PCDH15: variants seen among roughly 807,000 people sequenced by gnomAD.
The protein encoded by PCDH15 is protocadherin-15.
Under a neutral mutation model 178.5 loss-of-function variants are expected in PCDH15, and 129 were observed. The observed-to-expected ratio is 0.72, with a 90% CI of 0.63 to 0.84. PCDH15 has a LOEUF of 0.84. PCDH15 is among the 40% of genes least tolerant of loss of function. The probability of loss-of-function intolerance (pLI) is 0.00; values close to 1 mark genes in which losing one functional copy is unlikely to be tolerated. For synonymous variants in PCDH15, 800 were observed against 732.0 expected, an observed-to-expected ratio of 1.09 and a Z score of -1.50; for missense variants, 2,230 against 2,099.9, an observed-to-expected ratio of 1.06 and a Z score of -1.21.
intron 8 of PCDH15, among the ~76,000 whole-genome samples, chr10:54,308,709 A>C (rs1192681137): frequency 1.3e-5 from 2 of 151,984 alleles, no homozygotes; most frequent in Non-Finnish European, 2.9e-5. Context: ...AGGTATACAC[A>C]TGCCATGGTG....
intron 28 of PCDH15, among the ~76,000 whole-genome samples, chr10:53,843,195 G>A (rs1196262290): frequency 6.6e-6 from 1 of 151,942 alleles, no homozygotes; most frequent in African/African-American, 2.4e-5. Context: ...GATCTTTTGG[G>A]ACAAAGTATA....
At chr10:55,569,676 T>C (rs930317808) in intron 2 of PCDH15, among the ~76,000 whole-genome samples, 1 of 151,988 alleles carries the variant, frequency 6.6e-6, no homozygotes. Context: ...GGGTGAGTCC[T>C]ACATTACTGA....
intron 2 of PCDH15, among the ~76,000 whole-genome samples, chr10:54,596,290 G>C (rs1718879313): frequency 6.6e-6 from 1 of 152,194 alleles, no homozygotes; most frequent in Non-Finnish European, 1.5e-5. Context: ...CAAGTCAGAA[G>C]AGATTTGGGA....
At chr10:55,194,264 C>T (rs527330236) in intron 1 of PCDH15, among the ~76,000 whole-genome samples, 4 of 151,944 alleles carry the variant, frequency 2.6e-5, no homozygotes, top group African/African-American at 9.7e-5. Context: ...TAAATAACAG[C>T]CCTTTTCTCT....
intron 3 of PCDH15, among the ~76,000 whole-genome samples, chr10:54,431,261 G>T (rs1239072980): frequency 1.3e-5 from 2 of 151,788 alleles, no homozygotes; most frequent in African/African-American, 4.8e-5. Flanking sequence ...ATTCTATGAG[G>T]CCAGTATTAT....
rs529681580 is a variant in PCDH15, at chr10:54,822,276, T to A, written c.-29+75174A>T. On this transcript the variant is annotated intron_variant, in intron 3 of 5. Coordinates refer to the PCDH15 transcript ENST00000458638. Reference sequence around the variant, plus strand: ...CTTTTAACTGTATTTCTGTGCCTATTTACCAAAGCTTTTATAGCTCTCCCT... The same window carrying A: ...CTTTTAACTGTATTTCTGTGCCTATATACCAAAGCTTTTATAGCTCTCCCT... Among the ~76,000 whole-genome samples the A allele has an allele frequency of 5.3e-5, 8 of 152,250 alleles. No homozygotes were observed. In the South Asian group the frequency reaches 1.7e-3, roughly 32 times the overall value.
intron 2 of PCDH15, among the ~76,000 whole-genome samples, chr10:55,050,953 T>TTTCCATA (rs1327345905): frequency 6.6e-6 from 1 of 152,082 alleles, no homozygotes; most frequent in Admixed American, 6.5e-5. Flanking sequence ...ATGAAGTGCT[T>TTTCCATA]TTCCATAATT....
intron 15 of PCDH15, among the ~76,000 whole-genome samples, chr10:54,109,479 G>A (rs2094975309): frequency 6.6e-6 from 1 of 152,146 alleles, no homozygotes. Context: ...CCACAATGGA[G>A]CATTATTCAG....
intron 13 of PCDH15, among the ~76,000 whole-genome samples, chr10:54,159,245 C>CA (rs539822920): frequency 1.3e-5 from 2 of 151,932 alleles, no homozygotes; most frequent in Non-Finnish European, 2.9e-5. Context: ...GAGCAATTGG[C>CA]AAAAAAACAT....
At chr10:54,152,051 C>T (rs1040836445) in intron 14 of PCDH15, among the ~76,000 whole-genome samples, 1 of 152,150 alleles carries the variant, frequency 6.6e-6, no homozygotes, top group Non-Finnish European at 1.5e-5. Flanking sequence ...CAAATTTGTT[C>T]ATCATTGGAT....
At chr10:55,196,195 C>T (rs1309535811) in intron 1 of PCDH15, among the ~76,000 whole-genome samples, 2 of 152,012 alleles carry the variant, frequency 1.3e-5, no homozygotes, top group African/African-American at 2.4e-5. Context: ...CTATTACGAC[C>T]TCCTACACAA....
intron 23 of PCDH15, among the ~76,000 whole-genome samples, chr10:53,945,322 T>C (rs1381695351): frequency 1.3e-5 from 2 of 152,194 alleles, no homozygotes; most frequent in East Asian, 1.9e-4. Flanking sequence ...AAATTTTATA[T>C]ACTTATGGTG....
intron 2 of PCDH15, among the ~76,000 whole-genome samples, chr10:55,611,805 T>C (rs752005379): frequency 2.0e-5 from 3 of 152,074 alleles, no homozygotes; most frequent in Non-Finnish European, 4.4e-5. Flanking sequence ...TACATATTTA[T>C]AGTGTATATA....
At chr10:54,461,292 T>C (rs2077150145) in intron 3 of PCDH15, among the ~76,000 whole-genome samples, 1 of 152,136 alleles carries the variant, frequency 6.6e-6, no homozygotes, top group Admixed American at 6.6e-5. Context: ...CAGAAAATCA[T>C]TTATGCACAA....
At chr10:54,150,823 G>C (rs1193490605) in intron 14 of PCDH15, among the ~76,000 whole-genome samples, 1 of 151,744 alleles carries the variant, frequency 6.6e-6, no homozygotes, top group Non-Finnish European at 1.5e-5. Context: ...ATCTTGATAG[G>C]ATTTCTCAAA....
intron 2 of PCDH15, among the ~76,000 whole-genome samples, chr10:55,343,402 T>A (rs762021905): frequency 2.6e-5 from 4 of 152,176 alleles, no homozygotes; most frequent in Non-Finnish European, 5.9e-5. Flanking sequence ...TTTACCTCCT[T>A]GTACTTTTCT....
intron 25 of PCDH15, among the ~76,000 whole-genome samples, chr10:53,933,976 T>G (rs10763030): frequency 6.9e-6 from 1 of 144,694 alleles, no homozygotes; most frequent in Non-Finnish European, 1.5e-5. Flanking sequence ...TATCTTCTTT[T>G]GAGAAGTGTC....
In PCDH15 at chr10:54,784,933, G is replaced by A. The variant is rs535434239; in HGVS notation, c.-29+15992C>T. On this transcript the variant is annotated intron_variant, in intron 1 of 37. Transcript: ENST00000644397. ...CTTCACCCAGCTCCCAACCCCCATC[G>A]CATACTGAACCCATTAATGGCTTCA... 5.9e-5 allele frequency among the ~76,000 whole-genome samples: 9 copies of A among 151,488 alleles called. No individual in the cohort carries two copies. The East Asian group carries it at 1.2e-3, about 20-fold the overall frequency.
At chr10:55,266,972 T>C (rs1258252118) in intron 1 of PCDH15, among the ~76,000 whole-genome samples, 3 of 152,046 alleles carry the variant, frequency 2.0e-5, no homozygotes, top group African/African-American at 7.2e-5. Flanking sequence ...TGCCATGGGG[T>C]TGGAACCCTA....
Sources: allele counts gnomAD v4.1 joint callset (sites outside exome capture counted in the v4.1 genomes callset), GRCh38; gene constraint gnomAD v4.1.1; transcripts MANE v1.5; gene names NCBI Gene and HGNC (gene_info 2026-07-23, HGNC 2026-07-21).